The following OTOGL variants were observed in gnomAD, a reference collection of about 807,000 sequenced individuals.
OTOGL encodes otogelin like.
In OTOGL, 285 loss-of-function variants were observed where a neutral mutation model predicts 318.5. That is an observed-to-expected ratio of 0.89 (90% confidence interval 0.81 to 0.99). The LOEUF is 0.99. Ranked by LOEUF, OTOGL falls within the 50% of genes least tolerant of loss-of-function variation. OTOGL has a pLI of 0.00. For synonymous variants in OTOGL, 987 were observed against 936.5 expected, an observed-to-expected ratio of 1.05 and a Z score of -0.99; for missense variants, 2,899 against 2,845.6, an observed-to-expected ratio of 1.02 and a Z score of -0.43.
At chr12:80,199,190 C>G (rs1876293378) in intron 1 of OTOGL, among the ~76,000 whole-genome samples, 1 of 152,198 alleles carries the variant, frequency 6.6e-6, no homozygotes, top group African/African-American at 2.4e-5. Flanking sequence ...AATTCTCTCC[C>G]TAGCTTACTT....
chr12:80,241,545 A>T (rs1880381934), intron 11 of OTOGL, among the ~76,000 whole-genome samples: 1 of 151,958 alleles, frequency 6.6e-6, no homozygotes, highest in East Asian at 1.9e-4. Flanking sequence ...AATTGTTCTT[A>T]TTCCACAGTG....
In OTOGL at chr12:80,310,588, T is replaced by C. The variant is rs748175294; in HGVS notation, c.3334-23T>C. 43 of 1,508,936 alleles carry C rather than the reference T, an allele frequency of 2.8e-5. No homozygotes were observed. In the African/African-American group the frequency reaches 4.8e-4, roughly 17 times the overall value. The allele number at this position is 1,508,936 out of a possible 1,614,324, so 93.5% of individuals were successfully genotyped here. The stretch of plus-strand genomic sequence containing the variant: ...AAATTGTCCCTTTGAAAACTTCTTT[T>C]CTCTCTTAAATTTTTTCAACAGTGT... On this transcript the variant is annotated intron_variant, in intron 29 of 58. Transcript: ENST00000547103.
intron 57 of OTOGL, among the ~76,000 whole-genome samples, chr12:80,374,234 T>C (rs1891056657): frequency 6.6e-6 from 1 of 152,088 alleles, no homozygotes; most frequent in Non-Finnish European, 1.5e-5. Flanking sequence ...CACATGTTGT[T>C]TTTCCTGTAT....
chr12:80,288,442 C>G (rs1884794662), intron 26 of OTOGL, among the ~76,000 whole-genome samples: 1 of 152,054 alleles, frequency 6.6e-6, no homozygotes, highest in Non-Finnish European at 1.5e-5. Flanking sequence ...GAATGTTGAC[C>G]TGTCCTGCTA....
At chr12:80,148,377 T>C (rs1426650591) in intron 1 of OTOGL, among the ~76,000 whole-genome samples, 8 of 149,972 alleles carry the variant, frequency 5.3e-5, no homozygotes, top group African/African-American at 2.0e-4. Context: ...TGTTGAATAT[T>C]GGCCCCCACT....
chr12:80,339,320 T>TTTC (rs1888621680), intron 43 of OTOGL, 56 bp downstream of exon 43: 1 of 1,344,324 alleles, frequency 7.4e-7, no homozygotes. Flanking sequence ...TTTTTTTTTT[T>TTTC]TTTCTATTCA....
At chr12:80,327,291 A>G (rs12817706) in intron 35 of OTOGL, among the ~76,000 whole-genome samples, 4,317 of 152,156 alleles carry the variant, frequency 0.028, 219 homozygotes, top group African/African-American at 0.097. Context: ...TTGAAATTTG[A>G]GACTTTCCCT....
chr12:80,250,565 C>T (rs1424198559), intron 11 of OTOGL, among the ~76,000 whole-genome samples: 2 of 152,132 alleles, frequency 1.3e-5, no homozygotes, highest in African/African-American at 4.8e-5. Context: ...TTTGAAAAGA[C>T]TTTTCTTATT....
rs757024434 is a variant in OTOGL at position 80,229,397 on chromosome 12, T to A, written c.611+19T>A. 33 of 1,586,936 alleles carry A rather than the reference T, an allele frequency of 2.1e-5. No homozygotes were observed. Among genetic ancestry groups the A allele is most frequent in the Non-Finnish European group, 2.7e-5 (31 of 1,169,104 alleles). On this transcript the variant is annotated intron_variant, in intron 8 of 58. Coordinates refer to ENST00000547103, the MANE Select transcript of OTOGL (RefSeq NM_001378609.3). ...GAATCAGGTAGGATATGGGAAACAG[T>A]GAAATGTCAGTAACACCACAAATTA...
chr12:80,323,170 T>G (rs753456457), intron 34 of OTOGL, among the ~76,000 whole-genome samples: 27 of 150,978 alleles, frequency 1.8e-4, no homozygotes, highest in Middle Eastern at 3.4e-3. Flanking sequence ...TTTTGAATTT[T>G]CCTCAGCCTC....
intron 1 of OTOGL, among the ~76,000 whole-genome samples, chr12:80,112,708 T>TA (rs1869921180): frequency 6.8e-6 from 1 of 146,170 alleles, no homozygotes; most frequent in African/African-American, 2.6e-5. Flanking sequence ...AAATTTTCTT[T>TA]CTTTTTTTTT....
intron 1 of OTOGL, among the ~76,000 whole-genome samples, chr12:80,197,876 A>T (rs1470303760): frequency 6.6e-6 from 1 of 152,168 alleles, no homozygotes; most frequent in Non-Finnish European, 1.5e-5. Context: ...AAACCCTAAG[A>T]TCTAGTCCCT....
chr12:80,196,482 G>C (rs1322654366), intron 1 of OTOGL, among the ~76,000 whole-genome samples: 2 of 152,040 alleles, frequency 1.3e-5, no homozygotes, highest in Non-Finnish European at 2.9e-5. Context: ...GCTCTGTTTG[G>C]ATGACTTAGG....
intron 22 of OTOGL, among the ~76,000 whole-genome samples, chr12:80,267,629 A>G (rs1325753370): frequency 6.5e-5 from 9 of 137,988 alleles, no homozygotes; most frequent in South Asian, 2.3e-4. Context: ...TCATTGTTCA[A>G]TTCCCACTTA....
chr12:80,213,458 C>A (rs994731421), intron 4 of OTOGL, among the ~76,000 whole-genome samples: 4 of 152,114 alleles, frequency 2.6e-5, no homozygotes, highest in African/African-American at 9.7e-5. Context: ...ACGAAGAATG[C>A]CTAACCTCTT....
chr12:80,315,698 A>G (rs932725484), intron 32 of OTOGL, among the ~76,000 whole-genome samples: 2 of 152,202 alleles, frequency 1.3e-5, no homozygotes, highest in Non-Finnish European at 2.9e-5. Flanking sequence ...AATTTTAGAG[A>G]AAAAGAGATA....
intron 35 of OTOGL, among the ~76,000 whole-genome samples, chr12:80,324,047 C>T (rs1887526678): frequency 6.6e-6 from 1 of 152,170 alleles, no homozygotes; most frequent in South Asian, 2.1e-4. Context: ...GGAGACAGTA[C>T]TGAACAAAAT....
At chr12:80,312,423 CAT>C (rs1461653422) in intron 30 of OTOGL, among the ~76,000 whole-genome samples, 2 of 152,090 alleles carry the variant, frequency 1.3e-5, no homozygotes, top group Non-Finnish European at 2.9e-5. Context: ...TTCATGTAAA[CAT>C]ATAGGGTTTA....
At chr12:80,121,634 T>C (rs1035532702) in intron 1 of OTOGL, among the ~76,000 whole-genome samples, 1 of 152,212 alleles carries the variant, frequency 6.6e-6, no homozygotes, top group African/African-American at 2.4e-5. Context: ...GGTTTTCTAA[T>C]TGGCCAAGTA....
Sources: allele counts gnomAD v4.1 joint callset (sites outside exome capture counted in the v4.1 genomes callset), GRCh38; gene constraint gnomAD v4.1.1; transcripts MANE v1.5; gene names NCBI Gene and HGNC (gene_info 2026-07-23, HGNC 2026-07-21).